Variants in TMEM163 observed in about 807,000 individuals in gnomAD.
TMEM163 encodes transmembrane protein 163.
In TMEM163, 17 loss-of-function variants were observed where a neutral mutation model predicts 29.3. The observed-to-expected ratio is 0.58, with a 90% CI of 0.40 to 0.87. The LOEUF (loss-of-function observed/expected upper bound fraction) is 0.87, where lower values mean the gene tolerates loss of function less well. Ranked by LOEUF, TMEM163 falls within the 40% of genes least tolerant of loss-of-function variation. The pLI, the probability that TMEM163 is intolerant of heterozygous loss-of-function variation, is 0.00. For synonymous variants in TMEM163, 157 were observed against 160.6 expected, an observed-to-expected ratio of 0.98 and a Z score of 0.17; for missense variants, 303 against 381.5, an observed-to-expected ratio of 0.79 and a Z score of 1.71.
chr2:134,669,067 G>C (rs554471778), intron 2 of TMEM163, among the ~76,000 whole-genome samples: 1 of 152,334 alleles, frequency 6.6e-6, no homozygotes, highest in South Asian at 2.1e-4. Flanking sequence ...ATCTGTGAGA[G>C]CAGAGCCTGG....
intron 2 of TMEM163, among the ~76,000 whole-genome samples, chr2:134,650,176 T>C (rs890484354): frequency 2.6e-5 from 4 of 152,042 alleles, no homozygotes; most frequent in African/African-American, 9.7e-5. Context: ...TTAGTATGTA[T>C]ATGTATGTGT....
At chr2:134,643,683 A>G (rs1683268597) in intron 2 of TMEM163, among the ~76,000 whole-genome samples, 1 of 152,002 alleles carries the variant, frequency 6.6e-6, no homozygotes, top group African/African-American at 2.4e-5. Context: ...AACAACTCTT[A>G]GGAAACTACA....
At chr2:134,616,026 T>C (rs1288001094) in intron 2 of TMEM163, among the ~76,000 whole-genome samples, 1 of 152,124 alleles carries the variant, frequency 6.6e-6, no homozygotes, top group Non-Finnish European at 1.5e-5. Context: ...CTTTGAAGAA[T>C]TGTAAAAAGA....
chr2:134,634,024 A>G (rs1683048101), intron 2 of TMEM163, among the ~76,000 whole-genome samples: 1 of 114,362 alleles, frequency 8.7e-6, no homozygotes, highest in Non-Finnish European at 1.9e-5. Flanking sequence ...TATATATAAT[A>G]GGACTGTTTT....
At chr2:134,646,082 G>C (rs1683328799) in intron 2 of TMEM163, among the ~76,000 whole-genome samples, 1 of 150,876 alleles carries the variant, frequency 6.6e-6, no homozygotes, top group Non-Finnish European at 1.5e-5. Flanking sequence ...TGTGTAACTT[G>C]CGGAATGGCT....
chr2:134,627,190 G>A (rs894215658), intron 2 of TMEM163, among the ~76,000 whole-genome samples: 7 of 151,932 alleles, frequency 4.6e-5, no homozygotes, highest in Non-Finnish European at 8.8e-5. Context: ...TTTTTCCTGT[G>A]TCTCTGGTAC....
intron 4 of TMEM163, among the ~76,000 whole-genome samples, chr2:134,534,901 T>C (rs571739167): frequency 6.6e-6 from 1 of 152,264 alleles, no homozygotes; most frequent in African/African-American, 2.4e-5. Flanking sequence ...TTGAGCCAGA[T>C]TGGTCTTGAT....
intron 2 of TMEM163, among the ~76,000 whole-genome samples, chr2:134,562,952 T>C (rs1376369656): frequency 2.0e-5 from 3 of 152,246 alleles, no homozygotes; most frequent in Admixed American, 6.5e-5. Flanking sequence ...GCTGATAATA[T>C]GTCTCAATCA....
chr2:134,502,150 G>A (rs776986967), intron 5 of TMEM163, among the ~76,000 whole-genome samples: 21 of 152,084 alleles, frequency 1.4e-4, no homozygotes, highest in Non-Finnish European at 1.3e-4. Flanking sequence ...TATATCAGAT[G>A]GTGCATGTAG....
At chr2:134,521,233 G>A (rs192103507) in intron 4 of TMEM163, among the ~76,000 whole-genome samples, 5 of 152,182 alleles carry the variant, frequency 3.3e-5, no homozygotes, top group East Asian at 3.9e-4. Context: ...TCCTGACCTC[G>A]TGATCCACCT....
At chr2:134,486,545 T>C (rs1558919273) in intron 5 of TMEM163, among the ~76,000 whole-genome samples, 1 of 152,216 alleles carries the variant, frequency 6.6e-6, no homozygotes, top group Non-Finnish European at 1.5e-5. Context: ...TGAGCAACTT[T>C]AATGCAATAA....
chr2:134,462,830 G>A (rs1419350090), intron 6 of TMEM163, among the ~76,000 whole-genome samples: 1 of 152,226 alleles, frequency 6.6e-6, no homozygotes, highest in Non-Finnish European at 1.5e-5. Flanking sequence ...AAGGAGGGGG[G>A]TCAAGTCCCA....
chr2:134,718,604 G>T, intron 1 of TMEM163, 130 bp downstream of exon 1: 2 of 623,768 alleles, frequency 3.2e-6, no homozygotes, highest in Non-Finnish European at 4.2e-6. Context: ...CGTTCTCGCC[G>T]GGAAGTCGGG....
chr2:134,504,614 C>A (rs1679779998), intron 4 of TMEM163, among the ~76,000 whole-genome samples: 1 of 152,206 alleles, frequency 6.6e-6, no homozygotes, highest in Admixed American at 6.5e-5. Flanking sequence ...CAGTAAGTCA[C>A]CTCTAGGAGC....
chr2:134,539,229 C>A (rs974219635), intron 4 of TMEM163, among the ~76,000 whole-genome samples: 1 of 152,112 alleles, frequency 6.6e-6, no homozygotes, highest in African/African-American at 2.4e-5. Context: ...AATCATGCTA[C>A]AGAAAGATGC....
At chr2:134,697,251 T>TATA (rs2104888340) in intron 2 of TMEM163, among the ~76,000 whole-genome samples, 1 of 152,310 alleles carries the variant, frequency 6.6e-6, no homozygotes, top group East Asian at 1.9e-4. Context: ...GGACATCACG[T>TATA]ATAATAATAA....
intron 4 of TMEM163, among the ~76,000 whole-genome samples, chr2:134,545,451 A>C (rs1680759336): frequency 6.6e-6 from 1 of 151,984 alleles, no homozygotes; most frequent in Non-Finnish European, 1.5e-5. Flanking sequence ...CACATTCTCC[A>C]AGCCTCTTTC....
At chr2:134,504,411 T>G (rs1037446626) in intron 4 of TMEM163, among the ~76,000 whole-genome samples, 9 of 151,948 alleles carry the variant, frequency 5.9e-5, no homozygotes, top group African/African-American at 2.2e-4. Context: ...TACACATGGA[T>G]GATGGAAGGA....
intron 2 of TMEM163, among the ~76,000 whole-genome samples, chr2:134,648,839 T>C (rs2104845868): frequency 6.6e-6 from 1 of 152,322 alleles, no homozygotes; most frequent in South Asian, 2.1e-4. Flanking sequence ...ATTTAGCCCT[T>C]GCTAATATGG....
Sources: allele counts gnomAD v4.1 joint callset (sites outside exome capture counted in the v4.1 genomes callset), GRCh38; gene constraint gnomAD v4.1.1; transcripts MANE v1.5; gene names NCBI Gene and HGNC (gene_info 2026-07-23, HGNC 2026-07-21).